CBFB: variants seen among roughly 807,000 people sequenced by gnomAD.
The protein encoded by CBFB is CBF-beta.
In CBFB, 9 loss-of-function variants were observed where a neutral mutation model predicts 30.4. The ratio of observed to expected loss-of-function variants is 0.30; its 90% CI spans 0.18 to 0.52. The LOEUF (loss-of-function observed/expected upper bound fraction) is 0.52, where lower values mean the gene tolerates loss of function less well. CBFB is among the 20% of genes least tolerant of loss of function. The pLI is 0.97. For missense variants in CBFB, 170 were observed against 244.0 expected (o/e 0.70, Z 2.02); for synonymous variants, 94 against 84.0 (o/e 1.12, Z -0.65).
intron 4 of CBFB, among the ~76,000 whole-genome samples, chr16:67,068,918 A>C (rs1361757820): frequency 1.3e-5 from 2 of 152,162 alleles, no homozygotes; most frequent in Non-Finnish European, 2.9e-5. Context: ...ATCAAATAGA[A>C]ATTCTGGAGT....
intron 2 of CBFB, among the ~76,000 whole-genome samples, chr16:67,033,409 C>T (rs1407331261): frequency 2.6e-5 from 4 of 151,888 alleles, no homozygotes; most frequent in East Asian, 3.9e-4. Flanking sequence ...GTGCCATCTC[C>T]GTTCACTGCA....
chr16:67,066,653 A>C (rs1376492790), intron 3 of CBFB, 29 bp from the exon 4 acceptor site: 1 of 1,216,838 alleles, frequency 8.2e-7, no homozygotes, highest in South Asian at 1.2e-5. Context: ...GATGGTTTTC[A>C]ATTATTTTCA....
intron 3 of CBFB, among the ~76,000 whole-genome samples, chr16:67,051,912 TACAC>T (rs112469458): frequency 0.12 from 17,600 of 143,868 alleles, 1,977 homozygotes; most frequent in African/African-American, 0.3. Context: ...TATATGTGTA[TACAC>T]ACACACACAC....
At position 67,029,459 on chromosome 16, in the gene CBFB, T is replaced by C; in HGVS notation, c.52T>C (p.Phe18Leu). The C allele has an allele frequency of 6.3e-7, 1 of 1,591,034 alleles. No individual in the cohort carries two copies. Among genetic ancestry groups the C allele is most frequent in the East Asian group, 2.4e-5 (1 of 42,456 alleles). Reference sequence around the variant, plus strand: ...AAGCAAGTTCGAGAACGAGGAGTTTTTTAGGAAGCTGAGCCGCGAGTGTGA... The same window carrying C: ...AAGCAAGTTCGAGAACGAGGAGTTTCTTAGGAAGCTGAGCCGCGAGTGTGA... ...QRSKFENEEF[F>L]RKLSRECEIK... The change falls in exon 1 of 6, where the codon TTT becomes CTT. Residue 18 changes from phenylalanine to leucine, a missense_variant. Coordinates refer to ENST00000412916, the MANE Select transcript of CBFB (RefSeq NM_022845.3).
At chr16:67,043,735 T>C (rs1173578614) in intron 3 of CBFB, among the ~76,000 whole-genome samples, 2 of 152,348 alleles carry the variant, frequency 1.3e-5, no homozygotes, top group East Asian at 3.9e-4. Flanking sequence ...TACCAGAATA[T>C]GTGAAAATGC....
chr16:67,057,616 A>T (rs1960768428), intron 3 of CBFB, among the ~76,000 whole-genome samples: 2 of 152,048 alleles, frequency 1.3e-5, no homozygotes, highest in Non-Finnish European at 2.9e-5. Context: ...ATTTATTTTA[A>T]TATTTGTTTT....
intron 4 of CBFB, 121 bp from the exon 5 acceptor site, chr16:67,082,092 T>G (rs1234753615): frequency 3.0e-6 from 2 of 665,962 alleles, no homozygotes; most frequent in East Asian, 3.2e-5. Flanking sequence ...GTGCTGAGAT[T>G]ACAGGCGTGA....
chr16:67,072,746 G>A (rs1231721624), intron 4 of CBFB, among the ~76,000 whole-genome samples: 1 of 149,924 alleles, frequency 6.7e-6, no homozygotes, highest in South Asian at 2.1e-4. Flanking sequence ...GATTACAGGC[G>A]TGAGCCACCA....
chr16:67,095,478 C>T (rs1388842831), intron 5 of CBFB, among the ~76,000 whole-genome samples: 2 of 152,128 alleles, frequency 1.3e-5, no homozygotes, highest in Non-Finnish European at 2.9e-5. Flanking sequence ...GATTGCGTCA[C>T]TGCGCTCCAG....
intron 4 of CBFB, among the ~76,000 whole-genome samples, chr16:67,072,413 CT>C (rs1347424897): frequency 6.6e-6 from 1 of 151,796 alleles, no homozygotes; most frequent in Non-Finnish European, 1.5e-5. Flanking sequence ...ATATCTGTAT[CT>C]AATATTTTTC....
rs374475448 is a variant in CBFB, at chr16:67,098,959, G to A, written c.*181G>A. The A allele has an allele frequency of 2.1e-4, 95 of 450,352 alleles. No homozygotes were observed. In the East Asian group the frequency reaches 2.2e-3, roughly 10 times the overall value. 27.9% of individuals were successfully genotyped at this position (450,352 alleles called of 1,614,324 possible). A position where few individuals can be genotyped will look rare whatever the true frequency, so the allele number is the denominator to read the frequency against. ...GTTTTGCACTATGATTATAATACCT[G>A]CATTTCTAATTTTTTAAGCATGTAG... On this transcript the variant is annotated 3_prime_UTR_variant, in exon 6 of 6. Transcript: ENST00000412916.
At chr16:67,062,462 G>A (rs1960938825) in intron 3 of CBFB, among the ~76,000 whole-genome samples, 1 of 151,040 alleles carries the variant, frequency 6.6e-6, no homozygotes, top group African/African-American at 2.4e-5. Flanking sequence ...GAGCCACCGT[G>A]CCCAGCCAGG....
At chr16:67,053,361 C>T (rs963062202) in intron 3 of CBFB, among the ~76,000 whole-genome samples, 7 of 149,170 alleles carry the variant, frequency 4.7e-5, no homozygotes, top group African/African-American at 1.7e-4. Context: ...TCACGCCATT[C>T]TCCTGCCTCA....
intron 4 of CBFB, among the ~76,000 whole-genome samples, chr16:67,071,181 A>G (rs1197073601): frequency 6.6e-6 from 1 of 152,196 alleles, no homozygotes; most frequent in Non-Finnish European, 1.5e-5. Flanking sequence ...AATGAAATGT[A>G]GATGCTAGGG....
intron 2 of CBFB, chr16:67,036,407 A>G (rs949881989): frequency 2.5e-5 from 11 of 447,670 alleles, no homozygotes; most frequent in Non-Finnish European, 4.0e-5. Flanking sequence ...GAAAGTATTG[A>G]TTCCATGTCT....
intron 3 of CBFB, among the ~76,000 whole-genome samples, chr16:67,063,981 T>C (rs970196615): frequency 1.3e-5 from 2 of 152,152 alleles, no homozygotes; most frequent in Admixed American, 6.6e-5. Context: ...AGATTTTAGC[T>C]CACAAAGCAC....
intron 3 of CBFB, among the ~76,000 whole-genome samples, chr16:67,044,421 A>G (rs971297622): frequency 6.6e-6 from 1 of 152,220 alleles, no homozygotes; most frequent in African/African-American, 2.4e-5. Flanking sequence ...TTTATAGCTT[A>G]TGATTTTAAT....
chr16:67,073,353 G>C (rs940138133), intron 4 of CBFB, among the ~76,000 whole-genome samples: 5 of 152,086 alleles, frequency 3.3e-5, no homozygotes, highest in African/African-American at 9.7e-5. Flanking sequence ...CTCTATTTAT[G>C]ATTCTTCTGA....
rs1966285972 is a variant in CBFB at position 67,029,318 on chromosome 16, T to G, written c.-90T>G. 1 of 868,174 alleles carries G rather than the reference T, an allele frequency of 1.2e-6. No homozygotes were observed. Among genetic ancestry groups the G allele is most frequent in the Admixed American group, 4.5e-5 (1 of 22,044 alleles). 53.8% of individuals were successfully genotyped at this position (868,174 alleles called of 1,614,324 possible). ...GAAGCGGGCGTCCGGGCGCCGCGGG[T>G]GGGCGGTCAGTCGGTCAGCGCGGAG... On this transcript the variant is annotated 5_prime_UTR_variant, in exon 1 of 6. Coordinates refer to ENST00000412916, the MANE Select transcript of CBFB (RefSeq NM_022845.3).
Sources: gnomAD v4.1 joint callset for allele counts (sites outside exome capture counted in the v4.1 genomes callset) on GRCh38, gnomAD v4.1.1 for gene constraint, MANE v1.5 for transcripts, NCBI Gene and HGNC (gene_info 2026-07-23, HGNC 2026-07-21) for gene names.